The following CLVS1 variants were observed in gnomAD, a reference collection of about 807,000 sequenced individuals.
CLVS1 encodes clavesin-1.
Under a neutral mutation model 33.1 loss-of-function variants are expected in CLVS1, and 10 were observed. The ratio of observed to expected loss-of-function variants is 0.30; its 90% CI spans 0.19 to 0.51. The LOEUF is 0.51. Among genes scored for constraint, CLVS1 ranks in the 20% least tolerant of loss-of-function variants. The pLI, the probability that CLVS1 is intolerant of heterozygous loss-of-function variation, is 0.97. For missense variants in CLVS1, 343 were observed against 433.4 expected (o/e 0.79, Z 1.85); for synonymous variants, 163 against 166.1 (o/e 0.98, Z 0.14).
the CLVS1 span, among the ~76,000 whole-genome samples, chr8:61,030,309 TG>T: frequency 2.6e-5 from 3 of 115,298 alleles, no homozygotes; most frequent in Admixed American, 2.6e-4. Flanking sequence ...GGCAGCGGGG[TG>T]GGGGGGCGCA....
intron 2 of CLVS1, among the ~76,000 whole-genome samples, chr8:61,344,164 A>G (rs1812119994): frequency 1.3e-5 from 2 of 152,136 alleles, no homozygotes; most frequent in Admixed American, 1.3e-4. Flanking sequence ...GCAGGTGAGG[A>G]ACTTGAGACA....
intron 2 of CLVS1, among the ~76,000 whole-genome samples, chr8:61,232,243 A>G (rs1312923598): frequency 6.6e-6 from 1 of 151,648 alleles, no homozygotes; most frequent in Non-Finnish European, 1.5e-5. Context: ...TCACCATGTT[A>G]GCCAGGACGG....
At chr8:61,432,470 A>T (rs901096310) in intron 3 of CLVS1, among the ~76,000 whole-genome samples, 2 of 151,806 alleles carry the variant, frequency 1.3e-5, no homozygotes, top group African/African-American at 4.8e-5. Context: ...TAACAAGAGG[A>T]GATTAGGACA....
chr8:61,319,217 G>A (rs1012928996), intron 2 of CLVS1, among the ~76,000 whole-genome samples: 2 of 152,142 alleles, frequency 1.3e-5, no homozygotes, highest in African/African-American at 2.4e-5. Context: ...GAGTCTCTAA[G>A]TGAGTCCTCT....
chr8:61,272,926 GC>G (rs1185961241), intron 2 of CLVS1, among the ~76,000 whole-genome samples: 2 of 149,338 alleles, frequency 1.3e-5, no homozygotes, highest in African/African-American at 4.9e-5. Context: ...CAACTTCTTT[GC>G]CTTTGGTTTG....
intron 2 of CLVS1, among the ~76,000 whole-genome samples, chr8:61,363,176 G>C (rs1331793053): frequency 1.3e-5 from 2 of 152,108 alleles, no homozygotes; most frequent in South Asian, 2.1e-4. Context: ...TCTCTATTGA[G>C]AACAATCCCT....
chr8:61,025,005 G>A, the CLVS1 span, among the ~76,000 whole-genome samples: 14 of 151,848 alleles, frequency 9.2e-5, no homozygotes, highest in Non-Finnish European at 1.3e-4. Context: ...GTGCCACCAC[G>A]CCCGGCTAAT....
intron 1 of CLVS1, among the ~76,000 whole-genome samples, chr8:61,292,622 T>C (rs144689121): frequency 5.6e-4 from 86 of 152,320 alleles, no homozygotes; most frequent in African/African-American, 1.7e-3. Flanking sequence ...AACTAATCTG[T>C]TTTAAAAATT....
At chr8:61,129,683 A>C (rs1367622436) in intron 1 of CLVS1, among the ~76,000 whole-genome samples, 2 of 152,172 alleles carry the variant, frequency 1.3e-5, no homozygotes, top group Non-Finnish European at 2.9e-5. Flanking sequence ...GGAAGGGAAG[A>C]CCAAGCTCCC....
At chr8:61,307,872 A>G (rs2931298) in intron 2 of CLVS1, among the ~76,000 whole-genome samples, 5,058 of 152,106 alleles carry the variant, frequency 0.033, 127 homozygotes, top group Non-Finnish European at 0.053. Context: ...TCCAATGTCT[A>G]TTATTCCACA....
chr8:61,078,522 C>T (rs1345707283), intron 1 of CLVS1, among the ~76,000 whole-genome samples: 3 of 152,192 alleles, frequency 2.0e-5, no homozygotes, highest in East Asian at 1.9e-4. Context: ...GTTGGGTTTT[C>T]TATGAGCCTG....
intron 2 of CLVS1, among the ~76,000 whole-genome samples, chr8:61,217,089 A>G (rs1324903905): frequency 6.6e-6 from 1 of 152,224 alleles, no homozygotes; most frequent in Non-Finnish European, 1.5e-5. Flanking sequence ...CAGCTCCTCT[A>G]AAATTTTTCA....
intron 2 of CLVS1, among the ~76,000 whole-genome samples, chr8:61,197,750 C>T (rs1420617637): frequency 6.6e-6 from 1 of 152,202 alleles, no homozygotes; most frequent in Non-Finnish European, 1.5e-5. Flanking sequence ...GAACTCCTGA[C>T]CTCAAGTGAT....
intron 2 of CLVS1, among the ~76,000 whole-genome samples, chr8:61,180,737 C>A (rs574823277): frequency 1.3e-5 from 2 of 152,110 alleles, no homozygotes; most frequent in African/African-American, 4.8e-5. Flanking sequence ...AAGACAGAAA[C>A]CATATGATTA....
At position 61,263,442 on chromosome 8, in the gene CLVS1, C is replaced by G. The variant is rs527453548; in HGVS notation, c.-151-36235C>G. 1.1e-4 allele frequency among the ~76,000 whole-genome samples: 16 copies of G among 152,246 alleles called. No individual in the cohort carries two copies. The South Asian group carries it at 3.3e-3, about 32-fold the overall frequency. On this transcript the variant is annotated intron_variant, in intron 2 of 2. Coordinates refer to the CLVS1 transcript ENST00000522621. ...CATGTTTAGCAAAATAATGAAGCCC[C>G]ACTGGGTAGCTCTCCTTCAGCAAGT...
chr8:61,484,532 A>G (rs1446770618), intron 5 of CLVS1, among the ~76,000 whole-genome samples: 1 of 152,244 alleles, frequency 6.6e-6, no homozygotes, highest in East Asian at 1.9e-4. Flanking sequence ...GGTAATTTAC[A>G]GATTCAACGC....
chr8:61,268,042 T>C (rs1323444191), intron 2 of CLVS1, among the ~76,000 whole-genome samples: 1 of 151,944 alleles, frequency 6.6e-6, no homozygotes, highest in Non-Finnish European at 1.5e-5. Flanking sequence ...ATACTTTAAA[T>C]TTTAGGGTAC....
rs561844900 is a variant in CLVS1, at chr8:61,339,851, AAAG to A, written c.456-36751_456-36749del. 2.3e-3 allele frequency among the ~76,000 whole-genome samples: 351 copies of A among 150,832 alleles called. 1 individual carries two copies. The highest frequency in any genetic ancestry group is 8.3e-3 in the African/African-American group (340 of 41,064). On this transcript the variant is annotated intron_variant, in intron 2 of 5. Transcript: ENST00000325897. ...GAGCGAGAAAGGAAGGAAGGAAGAA[AAAG>A]AAATAGAAAAAAGAAATAGAGAAAG... is the stretch of plus-strand genomic sequence containing the variant.
the CLVS1 span, among the ~76,000 whole-genome samples, chr8:60,991,635 G>T: frequency 6.6e-6 from 1 of 151,920 alleles, no homozygotes; most frequent in Non-Finnish European, 1.5e-5. Flanking sequence ...CCCAATGCTG[G>T]ACTCTGAGAC....
Sources: gnomAD v4.1 joint callset for allele counts (sites outside exome capture counted in the v4.1 genomes callset) on GRCh38, gnomAD v4.1.1 for gene constraint, MANE v1.5 for transcripts, NCBI Gene and HGNC (gene_info 2026-07-23, HGNC 2026-07-21) for gene names.